RFC3: variants seen among roughly 807,000 people sequenced by gnomAD.
RFC3 encodes the protein A1 38 kDa subunit.
RFC3 carries 41 observed loss-of-function variants against 45.1 expected under a neutral mutation model. That is an observed-to-expected ratio of 0.91 (90% CI 0.71 to 1.18). The LOEUF is 1.18. Among genes scored for constraint, RFC3 ranks in the 50% most tolerant of loss-of-function variants. RFC3 has a pLI of 0.00. For synonymous variants in RFC3, 149 were observed against 144.0 expected, an observed-to-expected ratio of 1.03 and a Z score of -0.25; for missense variants, 423 against 428.1, an observed-to-expected ratio of 0.99 and a Z score of 0.10.
chr13:33,898,857 GTTATGCTA>G (rs948959069), intron 8 of RFC3, among the ~76,000 whole-genome samples: 21 of 151,654 alleles, frequency 1.4e-4, no homozygotes, highest in African/African-American at 4.8e-4. Flanking sequence ...CTTAGAGACT[GTTATGCTA>G]TTATGAGCAA....
At chr13:33,874,295 A>G (rs147217133) in intron 8 of RFC3, among the ~76,000 whole-genome samples, 1 of 151,948 alleles carries the variant, frequency 6.6e-6, no homozygotes, top group Admixed American at 6.6e-5. Flanking sequence ...CACTAACTAG[A>G]TGGGTGCTTC....
At chr13:33,947,084 C>T (rs6562211) in intron 8 of RFC3, among the ~76,000 whole-genome samples, 71,113 of 152,034 alleles carry the variant, frequency 0.47, 17,409 homozygotes, top group Middle Eastern at 0.6. Flanking sequence ...GGGATACCAT[C>T]AAGCTTATAA....
Position 33,923,612 on chromosome 13 carries a change from C to T in RFC3, c.880-42475C>T, listed in dbSNP as rs372213378. On this transcript the variant is annotated intron_variant, in intron 8 of 8. Coordinates refer to the RFC3 transcript ENST00000434425. ...GATTCTGGGGATTTTGAACATAGGG[C>T]TTGAATAACAACTCAAATTATAGAT... is the stretch of plus-strand genomic sequence containing the variant. 1.2e-4 allele frequency among the ~76,000 whole-genome samples: 18 copies of T among 152,102 alleles called. 1 individual carries two copies. Among genetic ancestry groups the T allele is most frequent in the Admixed American group, 7.2e-4 (11 of 15,272 alleles).
At chr13:33,872,800 C>CCT (rs1005842977) in intron 8 of RFC3, among the ~76,000 whole-genome samples, 1 of 140,804 alleles carries the variant, frequency 7.1e-6, no homozygotes, top group African/African-American at 2.6e-5. Flanking sequence ...AAACCCCCCC[C>CCT]CCCAAAATAC....
intron 1 of RFC3, among the ~76,000 whole-genome samples, chr13:33,820,913 T>TTATA (rs34884650): frequency 2.3e-5 from 3 of 130,176 alleles, no homozygotes; most frequent in Admixed American, 7.8e-5. Flanking sequence ...ATATATATAT[T>TTATA]TATATATATA....
At chr13:33,841,906 C>T (rs1160968093), downstream of RFC3, among the ~76,000 whole-genome samples, 1 of 152,104 alleles carries the variant, frequency 6.6e-6, no homozygotes, top group Non-Finnish European at 1.5e-5. Context: ...TATCTTCCAG[C>T]CTTGTGGGAG....
chr13:33,883,225 C>A (rs892447094), intron 8 of RFC3, among the ~76,000 whole-genome samples: 5 of 152,206 alleles, frequency 3.3e-5, no homozygotes, highest in African/African-American at 9.7e-5. Context: ...AATATTGGAA[C>A]TCTGTGAAGT....
chr13:33,819,348 CTG>C (rs1415731887), intron 1 of RFC3, among the ~76,000 whole-genome samples: 9 of 152,330 alleles, frequency 5.9e-5, no homozygotes, highest in African/African-American at 2.2e-4. Context: ...AATAAAGTGT[CTG>C]TGGAAGACAT....
chr13:33,904,943 C>A, intron 8 of RFC3, among the ~76,000 whole-genome samples: 1 of 151,890 alleles, frequency 6.6e-6, no homozygotes, highest in South Asian at 2.1e-4. Context: ...ACGCATTTAG[C>A]AAAACTGTAG....
chr13:33,882,847 T>A (rs1254678038), intron 8 of RFC3, among the ~76,000 whole-genome samples: 1 of 152,234 alleles, frequency 6.6e-6, no homozygotes, highest in Non-Finnish European at 1.5e-5. Context: ...TTGAGAATGT[T>A]TTATAAGTGG....
At chr13:33,881,373 T>C (rs957027055) in intron 8 of RFC3, among the ~76,000 whole-genome samples, 4 of 152,206 alleles carry the variant, frequency 2.6e-5, no homozygotes, top group Non-Finnish European at 5.9e-5. Flanking sequence ...GTCCATGGCA[T>C]TGTTGTAGGC....
intron 8 of RFC3, among the ~76,000 whole-genome samples, chr13:33,946,021 G>A (rs766113847): frequency 2.6e-5 from 4 of 152,078 alleles, no homozygotes; most frequent in Non-Finnish European, 4.4e-5. Context: ...CATCTGGAGC[G>A]CTGCTCTGTC....
At chr13:33,934,433 A>C (rs193119144) in intron 8 of RFC3, among the ~76,000 whole-genome samples, 3 of 152,174 alleles carry the variant, frequency 2.0e-5, no homozygotes. Flanking sequence ...TGCAACTGGA[A>C]CTAAAAAGAG....
At chr13:33,964,304 A>G (rs2083074759) in intron 8 of RFC3, among the ~76,000 whole-genome samples, 1 of 152,230 alleles carries the variant, frequency 6.6e-6, no homozygotes, top group Admixed American at 6.5e-5. Context: ...ACTTTTTAAA[A>G]GCAATTATCA....
rs1264019951 is a variant in RFC3, at chr13:33,887,852, G to C, written c.879+52635G>C. Reference sequence around the variant, plus strand: ...AGTTTCAGCTTTCTACATATGGCTAGCCAGTTTTCCCAGCACCATTTATTA... The same window carrying C: ...AGTTTCAGCTTTCTACATATGGCTACCCAGTTTTCCCAGCACCATTTATTA... On this transcript the variant is annotated intron_variant, in intron 8 of 8. Transcript: ENST00000434425. Among the ~76,000 whole-genome samples the C allele has an allele frequency of 1.1e-3, 160 of 152,088 alleles. 1 individual carries two copies. The highest frequency in any genetic ancestry group is 2.1e-3 in the South Asian group (10 of 4,824).
chr13:33,975,592 A>C, the RFC3 span, among the ~76,000 whole-genome samples: 1 of 152,200 alleles, frequency 6.6e-6, no homozygotes, highest in African/African-American at 2.4e-5. Flanking sequence ...ATGTGGCAAA[A>C]TTATCCCACC....
chr13:33,867,850 A>G (rs1363924538), intron 8 of RFC3, among the ~76,000 whole-genome samples: 2 of 152,238 alleles, frequency 1.3e-5, no homozygotes, highest in African/African-American at 4.8e-5. Flanking sequence ...CACGTTATGT[A>G]TACATTGGTA....
intron 8 of RFC3, among the ~76,000 whole-genome samples, chr13:33,943,498 G>T (rs895509558): frequency 1.3e-5 from 2 of 152,114 alleles, no homozygotes; most frequent in South Asian, 2.1e-4. Flanking sequence ...AATGTTTCCA[G>T]CACAAAGACA....
intron 4 of RFC3, 140 bp downstream of exon 4, chr13:33,826,026 T>C (rs1181069938): frequency 4.7e-6 from 2 of 422,272 alleles, no homozygotes; most frequent in African/African-American, 4.1e-5. Flanking sequence ...TTGAATTTTA[T>C]GTGAAAGAGG....
Sources: gnomAD v4.1 joint callset for allele counts (sites outside exome capture counted in the v4.1 genomes callset) on GRCh38, gnomAD v4.1.1 for gene constraint, MANE v1.5 for transcripts, NCBI Gene and HGNC (gene_info 2026-07-23, HGNC 2026-07-21) for gene names.